CUX2: variants seen among roughly 807,000 people sequenced by gnomAD.
CUX2 encodes the protein homeobox protein cut-like 2.
CUX2 carries 40 observed loss-of-function variants against 144.8 expected under a neutral mutation model. The ratio of observed to expected loss-of-function variants is 0.28; its 90% confidence interval spans 0.21 to 0.36. The LOEUF (loss-of-function observed/expected upper bound fraction) is 0.36. Among genes scored for constraint, CUX2 ranks in the 10% least tolerant of loss-of-function variants. The pLI, the probability that CUX2 is intolerant of heterozygous loss-of-function variation, is 1.00. For synonymous variants in CUX2, 827 were observed against 875.6 expected (o/e 0.94, Z 0.98); for missense variants, 1,615 against 1,994.0 (o/e 0.81, Z 3.62).
intron 1 of CUX2, among the ~76,000 whole-genome samples, chr12:111,209,805 G>A (rs983890389): frequency 7.2e-5 from 11 of 152,146 alleles, no homozygotes; most frequent in Non-Finnish European, 1.3e-4. Flanking sequence ...GCTCAGCCCC[G>A]GCCTCCTTTC....
At chr12:111,214,513 G>A (rs919113643) in intron 2 of CUX2, among the ~76,000 whole-genome samples, 32 of 152,150 alleles carry the variant, frequency 2.1e-4, no homozygotes, top group Non-Finnish European at 2.9e-4. Context: ...AGGGCGGGGC[G>A]TTTCTCCATC....
chr12:111,326,555 G>A (rs1023326408), intron 18 of CUX2, among the ~76,000 whole-genome samples: 1 of 151,854 alleles, frequency 6.6e-6, no homozygotes, highest in East Asian at 1.9e-4. Flanking sequence ...GGAGTGGTGA[G>A]CCACTGCGCC....
At position 111,320,053 on chromosome 12, in the gene CUX2, G is replaced by A. The variant is rs866576536; in HGVS notation, c.2044G>A (p.Gly682Ser). Residue 682 changes from glycine to serine, a missense_variant, in exon 17 of 22, where the codon GGC (glycine) becomes AGC (serine). Physicochemically the swap from Gly to Ser is moderately conservative, Grantham distance 56. Around this residue, in one of 12 missense-constraint regions of CUX2, gnomAD observed 390 missense variants for 387.1 expected, o/e 1.01. Transcript: ENST00000261726. This position sits in a 1 kb window ranked among gnomAD's most constrained non-coding sequence, Gnocchi z 8.1. ...GGTGGCCCCGCTGAGCATCGCCAAC[G>A]GCACGACCCCCGCCAGCACCTCGGA... ...TSVAPLSIAN[G>S]TTPASTSEDA... is the part of the protein sequence containing the mutation. 1.3e-6 allele frequency: 2 copies of A among 1,543,804 alleles called. No individual in the cohort carries two copies. The highest frequency in any genetic ancestry group is 1.4e-5 in the African/African-American group (1 of 72,774).
chr12:111,213,180 T>C (rs1881326659), intron 1 of CUX2, among the ~76,000 whole-genome samples: 1 of 152,192 alleles, frequency 6.6e-6, no homozygotes, highest in Non-Finnish European at 1.5e-5. Context: ...TCGGATGATA[T>C]ATACAGAAAT....
At chr12:111,111,985 C>G (rs1873999915) in intron 1 of CUX2, among the ~76,000 whole-genome samples, 2 of 152,290 alleles carry the variant, frequency 1.3e-5, no homozygotes, top group East Asian at 1.9e-4. Flanking sequence ...CCTGTGGGGT[C>G]TGTACCTCCC....
intron 1 of CUX2, among the ~76,000 whole-genome samples, chr12:111,049,405 G>A (rs945402987): frequency 2.0e-5 from 3 of 152,186 alleles, no homozygotes; most frequent in African/African-American, 7.2e-5. Flanking sequence ...CACTAGGAAT[G>A]TAAAGATGAA....
intron 2 of CUX2, among the ~76,000 whole-genome samples, chr12:111,217,665 C>G (rs958912048): frequency 3.9e-5 from 6 of 152,182 alleles, no homozygotes; most frequent in African/African-American, 1.4e-4. Flanking sequence ...ATGAAAGACT[C>G]CAGAAAGTCC....
chr12:111,229,305 C>A (rs990345471), intron 3 of CUX2, among the ~76,000 whole-genome samples: 6 of 152,116 alleles, frequency 3.9e-5, no homozygotes, highest in African/African-American at 1.4e-4. Flanking sequence ...GAAGCAACAC[C>A]CCCAAATTTA....
intron 1 of CUX2, among the ~76,000 whole-genome samples, chr12:111,065,527 G>T (rs1201565839): frequency 2.0e-5 from 3 of 152,240 alleles, no homozygotes; most frequent in Non-Finnish European, 4.4e-5. Flanking sequence ...GTAGAGACGG[G>T]GTTTGACCAC....
intron 21 of CUX2, 64 bp from the exon 22 acceptor site, chr12:111,347,460 A>G: frequency 1.4e-6 from 2 of 1,466,786 alleles, no homozygotes; most frequent in South Asian, 2.7e-5. Context: ...CCATGTATGC[A>G]GATGGAGTCC....
intron 9 of CUX2, among the ~76,000 whole-genome samples, chr12:111,303,446 G>A (rs988152576): frequency 2.0e-5 from 3 of 151,838 alleles, no homozygotes; most frequent in African/African-American, 7.3e-5. Context: ...GACCAGCCTG[G>A]CCAACATGGT....
In CUX2 at chr12:111,034,659, C is replaced by A. The variant is rs1196487744; in HGVS notation, c.63+419C>A. ...GGGAGGCCGCGGAGCGCGCCGCTTG[C>A]CAGTCCGCACCCGGCTGGGGCTCCG... On this transcript the variant is annotated intron_variant, in intron 1 of 21. Transcript: ENST00000261726. The surrounding 1 kb of genome is among the most constrained non-coding windows in gnomAD (Gnocchi z 4.2). 3.3e-5 allele frequency among the ~76,000 whole-genome samples: 5 copies of A among 151,480 alleles called. No individual in the cohort carries two copies. The highest frequency in any genetic ancestry group is 7.4e-5 in the Non-Finnish European group (5 of 67,810).
rs779340550 is a variant in CUX2, at chr12:111,298,584, A to G, written c.748A>G (p.Asn250Asp). The change falls in exon 9 of 22, where the codon AAT becomes GAT. Residue 250 changes from asparagine (N) to aspartate (D), a missense_variant. This residue lies in a region of CUX2 where 295 missense variants were observed against 400.2 expected (regional missense o/e 0.74). Coordinates refer to ENST00000261726, the MANE Select transcript of CUX2 (RefSeq NM_015267.4). The stretch of plus-strand genomic sequence containing the variant: ...GATCATGACCAACCTGGAGAAAGCT[A>G]ATCAGGTGAGGAGGCGCAGTTCCCA... The part of the protein sequence containing the change: ...GLIMTNLEKA[N>D]QRAEAAQREV... The G allele has an allele frequency of 4.5e-6, 7 of 1,571,404 alleles. No individual in the cohort carries two copies. Among genetic ancestry groups the G allele is most frequent in the African/African-American group, 1.3e-5 (1 of 74,262 alleles).
rs889430178 is a variant in CUX2 at position 111,287,639 on chromosome 12, A to G, written c.302-3779A>G. On this transcript the variant is annotated intron_variant, in intron 4 of 21. Coordinates refer to ENST00000261726, the MANE Select transcript of CUX2 (RefSeq NM_015267.4). The surrounding 1 kb of genome is among the most constrained non-coding windows in gnomAD (Gnocchi z 4.2). ...TAATTACATCAGCCCGGGGAGACAT[A>G]ATGGCATACCCTGCTGCGCAGGCCC... is the stretch of plus-strand genomic sequence containing the variant. 2.0e-5 allele frequency among the ~76,000 whole-genome samples: 3 copies of G among 152,262 alleles called. No individual in the cohort carries two copies. Among genetic ancestry groups the G allele is most frequent in the Non-Finnish European group, 4.4e-5 (3 of 68,040 alleles).
Position 111,293,516 on chromosome 12 carries a change from GAA to G in CUX2, c.509_510del (p.Lys170SerfsTer12). Reference sequence around the variant, plus strand: ...GAAGCCGCCTCCCAGGCATTCCCGGGAAAGCCCTCCTGACAGAAACCTTGCTG... The same window carrying G: ...GAAGCCGCCTCCCAGGCATTCCCGGGAGCCCTCCTGACAGAAACCTTGCTG... Reference protein sequence around the residue: ...EGSRLPGIPGKALLTETLLQR... With the variant: ...EGSRLPGIPGXALLTETLLQR... On this transcript the variant is annotated frameshift_variant, in exon 6 of 22. Transcript: ENST00000261726. LOFTEE classifies it high-confidence loss of function. This position sits in a 1 kb window ranked among gnomAD's most constrained non-coding sequence, Gnocchi z 4.5. 1 of 1,603,922 alleles carries G rather than the reference GAA, an allele frequency of 6.2e-7. No individual in the cohort carries two copies. Among genetic ancestry groups the G allele is most frequent in the Non-Finnish European group, 8.5e-7 (1 of 1,176,752 alleles).
intron 1 of CUX2, among the ~76,000 whole-genome samples, chr12:111,122,501 C>T (rs1874752064): frequency 6.6e-6 from 1 of 152,124 alleles, no homozygotes; most frequent in Non-Finnish European, 1.5e-5. Flanking sequence ...CTGGGAGATG[C>T]AAAGATAAAA....
At chr12:111,337,152 G>A (rs1338589838) in intron 19 of CUX2, among the ~76,000 whole-genome samples, 3 of 151,952 alleles carry the variant, frequency 2.0e-5, no homozygotes, top group African/African-American at 7.3e-5. Context: ...TCCAGCCTGG[G>A]TGATAGAGCC....
intron 1 of CUX2, among the ~76,000 whole-genome samples, chr12:111,063,006 G>A (rs1870849198): frequency 6.6e-6 from 1 of 152,146 alleles, no homozygotes; most frequent in African/African-American, 2.4e-5. Context: ...TCGTTATCAT[G>A]AATGGGAGGG....
At chr12:111,141,084 CCTCCT>C (rs1876284016) in intron 1 of CUX2, among the ~76,000 whole-genome samples, 1 of 152,152 alleles carries the variant, frequency 6.6e-6, no homozygotes, top group Admixed American at 6.5e-5. Context: ...CTTAGAAGAG[CCTCCT>C]CTGAGGGACT....
Sources: allele counts gnomAD v4.1 joint callset (sites outside exome capture counted in the v4.1 genomes callset), GRCh38; gene constraint gnomAD v4.1.1; regional missense constraint gnomAD v4.1.1; non-coding constraint Gnocchi (gnomAD v3.1); transcripts MANE v1.5; gene names NCBI Gene and HGNC (gene_info 2026-07-23, HGNC 2026-07-21).